NSD2: variants seen among roughly 807,000 people sequenced by gnomAD.
NSD2 encodes the protein histone-lysine N-methyltransferase NSD2.
In NSD2, 12 loss-of-function variants were observed where a neutral mutation model predicts 139.0. That is an observed-to-expected ratio of 0.09 (90% confidence interval 0.06 to 0.14). NSD2 has a LOEUF of 0.14. Among genes scored for constraint, NSD2 ranks in the 10% least tolerant of loss-of-function variants. The pLI, the probability that NSD2 is intolerant of heterozygous loss-of-function variation, is 1.00. For missense variants in NSD2, 1,155 were observed against 1,745.0 expected (o/e 0.66, Z 6.02); for synonymous variants, 669 against 648.7 (o/e 1.03, Z -0.48).
Position 1,975,404 on chromosome 4 carries a change from AG to A in NSD2, c.3621+6del. On this transcript the variant is annotated splice_donor_5th_base_variant and intron_variant, in intron 20 of 21. Coordinates refer to ENST00000508803, the MANE Select transcript of NSD2 (RefSeq NM_001042424.3). ...ATTCCTCGGGGATAGACCAAAGGTA[AG>A]GCTGTGGCGCCCTCCTTCCCCCCAG... The A allele has an allele frequency of 6.2e-7, 1 of 1,613,666 alleles. No individual in the cohort carries two copies. Among genetic ancestry groups the A allele is most frequent in the Non-Finnish European group, 8.5e-7 (1 of 1,179,666 alleles).
intron 1 of NSD2, among the ~76,000 whole-genome samples, chr4:1,886,213 T>C (rs1430460377): frequency 6.6e-6 from 1 of 151,352 alleles, no homozygotes; most frequent in African/African-American, 2.5e-5. Flanking sequence ...CCTTTTTTTC[T>C]TTTTTCTTTT....
At chr4:1,936,535 G>T (rs1484044959) in intron 7 of NSD2, among the ~76,000 whole-genome samples, 2 of 151,946 alleles carry the variant, frequency 1.3e-5, no homozygotes, top group African/African-American at 4.8e-5. Context: ...GTCGGGTGTG[G>T]TGGTGCATGC....
chr4:1,958,136 G>A lies in NSD2; in HGVS notation c.2985+100G>A. On this transcript the variant is annotated intron_variant, in intron 16 of 21. Transcript: ENST00000508803. This position sits in a 1 kb window ranked among gnomAD's most constrained non-coding sequence, Gnocchi z 4.6. ...CCAGGCTATGGCTGGGGAGAGGACTGTCACCAGCCAGGATCTGTGGTGCCT... is the reference window on the plus strand; with the variant it reads ...CCAGGCTATGGCTGGGGAGAGGACTATCACCAGCCAGGATCTGTGGTGCCT... The A allele has an allele frequency of 5.8e-6, 7 of 1,205,478 alleles. No homozygotes were observed. The highest frequency in any genetic ancestry group is 8.3e-6 in the Non-Finnish European group (7 of 842,076). 74.7% of individuals were successfully genotyped at this position (1,205,478 alleles called of 1,614,324 possible).
At chr4:1,934,380 C>T (rs781266825) in intron 6 of NSD2, among the ~76,000 whole-genome samples, 8 of 151,312 alleles carry the variant, frequency 5.3e-5, no homozygotes, top group African/African-American at 1.9e-4. Context: ...CCACCATGCC[C>T]GGCCTAGGAA....
rs1490265219 is a variant in NSD2, at chr4:1,939,859, C to CA, written c.1881+82dup. On this transcript the variant is annotated intron_variant, in intron 9 of 21. Transcript: ENST00000508803. ...CCCACGCTGCAGTGTGAGTAATGCT[C>CA]AGACTTCATAAGCGCAGCATTGGTG... 3 of 1,606,376 alleles carry CA rather than the reference C, an allele frequency of 1.9e-6. No individual in the cohort carries two copies. In the East Asian group the frequency reaches 6.7e-5, roughly 36 times the overall value.
At position 1,976,728 on chromosome 4, in the gene NSD2, C is replaced by G; in HGVS notation, c.3826+49C>G. On this transcript the variant is annotated intron_variant, in intron 21 of 21. Coordinates refer to ENST00000508803, the MANE Select transcript of NSD2 (RefSeq NM_001042424.3). This position sits in a 1 kb window ranked among gnomAD's most constrained non-coding sequence, Gnocchi z 5.3. Reference sequence around the variant, plus strand: ...CTTGCAGCTGTGTCTGTGTGGCAGGCTCCTGATGGCGGCTGCTGCCGCTCT... The same window carrying G: ...CTTGCAGCTGTGTCTGTGTGGCAGGGTCCTGATGGCGGCTGCTGCCGCTCT... 6.6e-7 allele frequency: 1 copy of G among 1,519,690 alleles called. No individual in the cohort carries two copies. The highest frequency in any genetic ancestry group is 8.9e-7 in the Non-Finnish European group (1 of 1,129,602). 94.1% of individuals were successfully genotyped at this position (1,519,690 alleles called of 1,614,324 possible). A position where few individuals can be genotyped will look rare whatever the true frequency, so the allele number is the denominator to read the frequency against.
chr4:1,926,235 A>G (rs1339342888), intron 5 of NSD2, among the ~76,000 whole-genome samples: 1 of 146,958 alleles, frequency 6.8e-6, no homozygotes, highest in African/African-American at 2.5e-5. Context: ...GCTCACTGCA[A>G]CCTCCGTCTC....
chr4:1,945,161 T>C (rs1026029505), intron 9 of NSD2: 1 of 1,066,128 alleles, frequency 9.4e-7, no homozygotes, highest in African/African-American at 1.6e-5. Flanking sequence ...GTTTTTTGTT[T>C]AAGTACTTCA....
At chr4:1,970,041 AAG>A (rs1424173799) in intron 18 of NSD2, among the ~76,000 whole-genome samples, 2 of 152,150 alleles carry the variant, frequency 1.3e-5, no homozygotes, top group African/African-American at 4.8e-5. Flanking sequence ...GAAAGAGAGA[AAG>A]AAGGAATGTA....
At chr4:1,881,089 C>G (rs921154059) in intron 1 of NSD2, among the ~76,000 whole-genome samples, 4 of 152,098 alleles carry the variant, frequency 2.6e-5, no homozygotes, top group Non-Finnish European at 4.4e-5. Flanking sequence ...TTTGTGGTTA[C>G]ATCAGGACTT....
intron 9 of NSD2, chr4:1,940,967 T>C: frequency 9.5e-7 from 1 of 1,058,002 alleles, no homozygotes; most frequent in East Asian, 5.2e-5. Context: ...GGTCGAGACC[T>C]GTTCACGGAT....
intron 9 of NSD2, chr4:1,947,426 A>G (rs1374325750): frequency 2.8e-6 from 3 of 1,059,412 alleles, no homozygotes; most frequent in East Asian, 5.2e-5. Context: ...GGGAGTGGAG[A>G]CTTCCTCTGT....
At chr4:1,943,775 A>G (rs1338661991) in intron 9 of NSD2, 1 of 1,060,920 alleles carries the variant, frequency 9.4e-7, no homozygotes, top group African/African-American at 1.6e-5. Flanking sequence ...AGATGGTATA[A>G]AAATGGCTCT....
At chr4:1,949,325 G>A (rs748647456) in intron 9 of NSD2, among the ~76,000 whole-genome samples, 6 of 152,186 alleles carry the variant, frequency 3.9e-5, no homozygotes, top group Non-Finnish European at 5.9e-5. Context: ...CATCTTCCTG[G>A]AAAAGGTGAG....
rs375518598 is a variant in NSD2, at chr4:1,917,248, ACT to A, written c.927+215_927+216del. Among the ~76,000 whole-genome samples the A allele has an allele frequency of 2.6e-3, 398 of 152,030 alleles. 3 individuals carry two copies. The highest frequency in any genetic ancestry group is 9.2e-3 in the African/African-American group (383 of 41,446). Reference sequence around the variant, plus strand: ...CTGATTTTTTTTTGCTCATTTGATGACTCTCAGAGATAACTTGTTTTAGAATT... The same window carrying A: ...CTGATTTTTTTTTGCTCATTTGATGACTCAGAGATAACTTGTTTTAGAATT... On this transcript the variant is annotated intron_variant, in intron 4 of 21. Transcript: ENST00000508803.
intron 15 of NSD2, 96 bp from the exon 16 acceptor site, chr4:1,957,837 C>A: frequency 8.7e-7 from 1 of 1,149,960 alleles, no homozygotes; most frequent in Non-Finnish European, 1.2e-6. Context: ...CTATACTTAA[C>A]ATTGAAAGTT....
Position 1,942,057 on chromosome 4 carries a change from G to A in NSD2, c.1881+2279G>A, listed in dbSNP as rs2108905942. Reference sequence around the variant, plus strand: ...GTATTTCCTCCCTTTCATCACATTTGTTTGAAATAAGGTACTTTTATAGGG... The same window carrying A: ...GTATTTCCTCCCTTTCATCACATTTATTTGAAATAAGGTACTTTTATAGGG... On this transcript the variant is annotated intron_variant, in intron 9 of 21. Transcript: ENST00000508803. The surrounding 1 kb of genome is among the most constrained non-coding windows in gnomAD (Gnocchi z 4.0). The A allele has an allele frequency of 8.6e-7, 1 of 1,158,164 alleles. No homozygotes were observed. The highest frequency in any genetic ancestry group is 4.1e-5 in the East Asian group (1 of 24,484). 71.7% of individuals were successfully genotyped at this position (1,158,164 alleles called of 1,614,324 possible). A position where few individuals can be genotyped will look rare whatever the true frequency, so the allele number is the denominator to read the frequency against.
chr4:1,918,017 G>A lies in NSD2; in HGVS notation c.928-124G>A, dbSNP rs142488159. ...GCTGGTCTTAAACTCCTGGCCTCAA[G>A]TGATCCATCTGCCTTGACACCCATA... On this transcript the variant is annotated intron_variant, in intron 4 of 21. Coordinates refer to ENST00000508803, the MANE Select transcript of NSD2 (RefSeq NM_001042424.3). The A allele has an allele frequency of 1.3e-3, 1,584 of 1,201,146 alleles. 44 individuals are homozygous for A. The East Asian group carries it at 0.033, about 25-fold the overall frequency. 74.4% of individuals were successfully genotyped at this position (1,201,146 alleles called of 1,614,324 possible).
At chr4:1,922,101 C>G (rs1268881725) in intron 5 of NSD2, among the ~76,000 whole-genome samples, 1 of 152,138 alleles carries the variant, frequency 6.6e-6, no homozygotes, top group African/African-American at 2.4e-5. Context: ...GAGCTGAGAT[C>G]ACACTACTGC....
Sources: gnomAD v4.1 joint callset for allele counts (sites outside exome capture counted in the v4.1 genomes callset) on GRCh38, gnomAD v4.1.1 for gene constraint, Gnocchi (gnomAD v3.1) non-coding constraint, MANE v1.5 for transcripts, NCBI Gene and HGNC (gene_info 2026-07-23, HGNC 2026-07-21) for gene names.